The following ARHGAP24 variants were observed in gnomAD, a reference collection of about 807,000 sequenced individuals.
ARHGAP24 encodes the protein Rho GTPase activating protein 24.
A neutral mutation model predicts 76.4 loss-of-function variants in ARHGAP24; 50 were observed. That is an observed-to-expected ratio of 0.65 (90% confidence interval 0.52 to 0.83). The LOEUF (loss-of-function observed/expected upper bound fraction) is 0.83. Ranked by LOEUF, ARHGAP24 falls within the 40% of genes least tolerant of loss-of-function variation. The pLI, the probability that ARHGAP24 is intolerant of heterozygous loss-of-function variation, is 0.00. For missense variants in ARHGAP24, 930 were observed against 914.2 expected, an observed-to-expected ratio of 1.02 and a Z score of -0.22; for synonymous variants, 345 against 323.3, an observed-to-expected ratio of 1.07 and a Z score of -0.72.
intron 3 of ARHGAP24, among the ~76,000 whole-genome samples, chr4:85,748,781 G>A (rs1263721541): frequency 6.6e-6 from 1 of 152,156 alleles, no homozygotes. Flanking sequence ...TCAAGTCTCA[G>A]TGTTGTTCTA....
At chr4:85,915,253 G>T (rs970098607) in intron 3 of ARHGAP24, among the ~76,000 whole-genome samples, 1 of 152,078 alleles carries the variant, frequency 6.6e-6, no homozygotes, top group African/African-American at 2.4e-5. Flanking sequence ...ACTTTTGAAG[G>T]AATAAGTCCA....
intron 3 of ARHGAP24, among the ~76,000 whole-genome samples, chr4:85,868,910 T>G (rs1391402362): frequency 6.6e-6 from 1 of 152,146 alleles, no homozygotes; most frequent in Non-Finnish European, 1.5e-5. Flanking sequence ...CTTCTCTTTT[T>G]TCTTTTTAAT....
intron 2 of ARHGAP24, among the ~76,000 whole-genome samples, chr4:85,594,019 T>C (rs889964470): frequency 6.6e-6 from 1 of 152,106 alleles, no homozygotes; most frequent in African/African-American, 2.4e-5. Flanking sequence ...AGGGATTGCA[T>C]TGAATCTGTA....
chr4:85,613,197 TAA>T lies in ARHGAP24; in HGVS notation c.180+42477_180+42478del, dbSNP rs150774758. 1.5e-3 allele frequency among the ~76,000 whole-genome samples: 229 copies of T among 152,306 alleles called. 2 individuals carry two copies. The highest frequency in any genetic ancestry group is 5.1e-3 in the African/African-American group (210 of 41,554). On this transcript the variant is annotated intron_variant, in intron 2 of 9. Transcript: ENST00000395184. ...ATATATGTATATCCATAAACAACACTAAGTTTATGTTTTAAAAGTTTAATAAA... is the reference window on the plus strand; with the variant it reads ...ATATATGTATATCCATAAACAACACTGTTTATGTTTTAAAAGTTTAATAAA...
At chr4:85,785,303 A>G (rs1420360926) in intron 3 of ARHGAP24, among the ~76,000 whole-genome samples, 1 of 152,212 alleles carries the variant, frequency 6.6e-6, no homozygotes, top group East Asian at 1.9e-4. Flanking sequence ...AATTTATCTT[A>G]AAGAGACTGC....
At chr4:85,907,353 C>T (rs530607598) in intron 3 of ARHGAP24, among the ~76,000 whole-genome samples, 4 of 152,236 alleles carry the variant, frequency 2.6e-5, no homozygotes, top group African/African-American at 9.6e-5. Context: ...ATATATTTTT[C>T]TCATCTGAAT....
chr4:85,716,773 C>T lies in ARHGAP24; in HGVS notation c.181-5112C>T, dbSNP rs544323925. On this transcript the variant is annotated intron_variant, in intron 2 of 9. Transcript: ENST00000395184. ...AAAACCAGTGGATAGGTAAAACACC[C>T]CTGGGTGAAAAACAGAGAGGAACCC... is the stretch of plus-strand genomic sequence containing the variant. Among the ~76,000 whole-genome samples, 5 of 152,200 alleles carry T rather than the reference C, an allele frequency of 3.3e-5. No individual in the cohort carries two copies. The South Asian group carries it at 1.0e-3, about 32-fold the overall frequency.
intron 3 of ARHGAP24, among the ~76,000 whole-genome samples, chr4:85,793,519 A>C (rs1273376893): frequency 6.6e-6 from 1 of 152,174 alleles, no homozygotes; most frequent in African/African-American, 2.4e-5. Flanking sequence ...GAATAGGATA[A>C]TCCTGCCTGT....
At chr4:85,938,834 T>C (rs1244017099) in intron 4 of ARHGAP24, among the ~76,000 whole-genome samples, 3 of 152,130 alleles carry the variant, frequency 2.0e-5, no homozygotes, top group African/African-American at 7.2e-5. Context: ...CTTCTCTTTT[T>C]TTTTTTCTGA....
rs565706283 is a variant in ARHGAP24 at position 85,787,145 on chromosome 4, CG to C, written c.268+65175del. Among the ~76,000 whole-genome samples the C allele has an allele frequency of 1.6e-3, 241 of 152,254 alleles. 1 individual carries two copies. The highest frequency in any genetic ancestry group is 5.5e-3 in the African/African-American group (230 of 41,534). Reference sequence around the variant, plus strand: ...TGTGAGAATGTGCTGACAGATTGCCCGGCCTGTCGCAGTGGACATTTAATTA... The same window carrying C: ...TGTGAGAATGTGCTGACAGATTGCCCGCCTGTCGCAGTGGACATTTAATTA... On this transcript the variant is annotated intron_variant, in intron 3 of 9. Transcript: ENST00000395184.
At chr4:85,715,356 G>C (rs1398937398) in intron 2 of ARHGAP24, among the ~76,000 whole-genome samples, 1 of 151,952 alleles carries the variant, frequency 6.6e-6, no homozygotes, top group Admixed American at 6.6e-5. Context: ...TTGGGGATTT[G>C]CAAAATATGG....
chr4:85,530,161 A>G (rs1369646887), intron 1 of ARHGAP24, among the ~76,000 whole-genome samples: 1 of 150,866 alleles, frequency 6.6e-6, no homozygotes. Flanking sequence ...CAACAAGTAA[A>G]TATTTTCAAG....
intron 1 of ARHGAP24, among the ~76,000 whole-genome samples, chr4:85,561,079 A>C (rs1432740834): frequency 6.6e-6 from 1 of 152,174 alleles, no homozygotes; most frequent in African/African-American, 2.4e-5. Context: ...GATGGGTTCC[A>C]GGGAGTCTAT....
chr4:85,634,698 C>T (rs550994217), intron 2 of ARHGAP24, among the ~76,000 whole-genome samples: 1 of 151,848 alleles, frequency 6.6e-6, no homozygotes, highest in Non-Finnish European at 1.5e-5. Flanking sequence ...ACTACCAGTT[C>T]ATTTAAGTTT....
chr4:85,995,084 T>C lies in ARHGAP24; in HGVS notation c.1430T>C (p.Val477Ala), dbSNP rs1474438379. 1 of 1,613,792 alleles carries C rather than the reference T, an allele frequency of 6.2e-7. No homozygotes were observed. The highest frequency in any genetic ancestry group is 2.2e-5 in the East Asian group (1 of 44,868). Residue 477 changes from valine (V) to alanine (A), a missense_variant, in exon 9 of 10, where the codon GTA becomes GCA. Transcript: ENST00000395184. ...VSGTKMGTHS[V>A]QNGTVRMGIL... ...GGTACCAAAATGGGCACGCACAGTGTACAGAATGGAACGGTGCGCATGGGC... is the reference window on the plus strand; with the variant it reads ...GGTACCAAAATGGGCACGCACAGTGCACAGAATGGAACGGTGCGCATGGGC...
intron 2 of ARHGAP24, 70 bp downstream of exon 2, chr4:85,570,791 C>G (rs905555982): frequency 5.8e-6 from 9 of 1,558,756 alleles, no homozygotes; most frequent in Non-Finnish European, 7.9e-6. Context: ...TGCTAGAAAC[C>G]GATTGGGACT....
intron 3 of ARHGAP24, among the ~76,000 whole-genome samples, chr4:85,736,636 C>G (rs943709069): frequency 1.3e-5 from 2 of 152,208 alleles, no homozygotes; most frequent in Admixed American, 6.5e-5. Flanking sequence ...CTGCTGAACA[C>G]TCAAGGAACA....
intron 2 of ARHGAP24, among the ~76,000 whole-genome samples, chr4:85,632,320 C>T (rs1410706784): frequency 6.6e-6 from 1 of 151,978 alleles, no homozygotes; most frequent in Non-Finnish European, 1.5e-5. Context: ...ACACATAAAG[C>T]CTGACCTTCT....
chr4:85,830,567 T>A (rs71599429), intron 3 of ARHGAP24, among the ~76,000 whole-genome samples: 1 of 152,212 alleles, frequency 6.6e-6, no homozygotes, highest in Non-Finnish European at 1.5e-5. Context: ...GCACTATCCG[T>A]CATTTGTATG....
Sources: allele counts gnomAD v4.1 joint callset (sites outside exome capture counted in the v4.1 genomes callset), GRCh38; gene constraint gnomAD v4.1.1; transcripts MANE v1.5; gene names NCBI Gene and HGNC (gene_info 2026-07-23, HGNC 2026-07-21).